The following ANKS1B variants were observed in gnomAD, a reference collection of about 807,000 sequenced individuals.
ANKS1B encodes ankyrin repeat and sterile alpha motif domain containing 1B.
In ANKS1B, 36 loss-of-function variants were observed where a neutral mutation model predicts 148.3. The observed-to-expected ratio is 0.24, with a 90% confidence interval of 0.19 to 0.32. ANKS1B has a LOEUF of 0.32. ANKS1B is among the 10% of genes least tolerant of loss of function. The pLI is 1.00. For missense variants in ANKS1B, 1,157 were observed against 1,542.6 expected, an observed-to-expected ratio of 0.75 and a Z score of 4.19; for synonymous variants, 542 against 560.8, an observed-to-expected ratio of 0.97 and a Z score of 0.47.
chr12:99,908,301 C>T (rs2093866750), intron 1 of ANKS1B, among the ~76,000 whole-genome samples: 2 of 151,954 alleles, frequency 1.3e-5, no homozygotes, highest in Admixed American at 6.6e-5. Flanking sequence ...ATTAAGAGGC[C>T]AGGCATGGTG....
At position 99,046,915 on chromosome 12, in the gene ANKS1B, T is replaced by G. The variant is rs191963539; in HGVS notation, c.2778+6242A>C. 3.0e-3 allele frequency among the ~76,000 whole-genome samples: 457 copies of G among 152,106 alleles called. 5 individuals carry two copies. The highest frequency in any genetic ancestry group is 9.7e-3 in the African/African-American group (402 of 41,476). The stretch of plus-strand genomic sequence containing the variant: ...ACACTGCATAGTAACAGTGACAGAT[T>G]AGCTATTCTAAGAAGAAAAGATGAG... On this transcript the variant is annotated intron_variant, in intron 17 of 26. Coordinates refer to ENST00000683438, the MANE Select transcript of ANKS1B (RefSeq NM_001352186.2).
chr12:99,841,014 C>A (rs76665035), intron 1 of ANKS1B, among the ~76,000 whole-genome samples: 1 of 152,070 alleles, frequency 6.6e-6, no homozygotes, highest in South Asian at 2.1e-4. Context: ...GATAAAAGCA[C>A]GGACTCAGGA....
intron 19 of ANKS1B, among the ~76,000 whole-genome samples, chr12:98,820,238 G>A (rs951180413): frequency 2.0e-5 from 3 of 152,222 alleles, no homozygotes; most frequent in Non-Finnish European, 4.4e-5. Flanking sequence ...TAGGCTGCTG[G>A]CATTGGAATC....
rs531153314 is a variant in ANKS1B at position 99,755,147 on chromosome 12, A to T, written c.1128+17775T>A. Among the ~76,000 whole-genome samples the T allele has an allele frequency of 3.5e-4, 51 of 145,524 alleles. 1 individual carries two copies. The highest frequency in any genetic ancestry group is 1.3e-3 in the African/African-American group (51 of 39,100). On this transcript the variant is annotated intron_variant, in intron 8 of 26. Coordinates refer to ENST00000683438, the MANE Select transcript of ANKS1B (RefSeq NM_001352186.2). ...AAAGAGGGAAGATTCAAATAAACAC[A>T]ATCAGAAATAACAATGGGGATATTA...
At chr12:99,493,957 G>GA in intron 10 of ANKS1B, among the ~76,000 whole-genome samples, 1 of 151,688 alleles carries the variant, frequency 6.6e-6, no homozygotes, top group East Asian at 1.9e-4. Context: ...TTTATAGAGA[G>GA]AAAAAAGTAA....
rs2099278740 is a variant in ANKS1B, at chr12:98,829,697, CGT to C, written c.2887-346_2887-345del. Among the ~76,000 whole-genome samples the C allele has an allele frequency of 1.3e-5, 2 of 152,124 alleles. No individual in the cohort carries two copies. Among genetic ancestry groups the C allele is most frequent in the Non-Finnish European group, 2.9e-5 (2 of 68,038 alleles). On this transcript the variant is annotated intron_variant, in intron 18 of 26. Transcript: ENST00000683438. This position sits in a 1 kb window ranked among gnomAD's most constrained non-coding sequence, Gnocchi z 5.2. The stretch of plus-strand genomic sequence containing the variant: ...GAACTGGGCCCTCATGTGGGCAGAG[CGT>C]CCTCACCATGGTAGATGCCATGATG...
At chr12:98,954,527 T>G (rs899479680) in intron 17 of ANKS1B, 18 of 152,208 alleles carry the variant, frequency 1.2e-4, no homozygotes, top group African/African-American at 4.3e-4. Context: ...ATAGGAGTGC[T>G]AAGGTAAATG....
chr12:99,960,541 A>T (rs2095395678), intron 1 of ANKS1B, among the ~76,000 whole-genome samples: 1 of 152,176 alleles, frequency 6.6e-6, no homozygotes, highest in Admixed American at 6.5e-5. Context: ...TGAACTATAA[A>T]GGAAGGAAAT....
intron 14 of ANKS1B, among the ~76,000 whole-genome samples, chr12:99,212,934 C>T (rs558984432): frequency 6.6e-6 from 1 of 152,278 alleles, no homozygotes; most frequent in South Asian, 2.1e-4. Flanking sequence ...AGGAAACAAA[C>T]AATGTTCAAA....
intron 9 of ANKS1B, among the ~76,000 whole-genome samples, chr12:99,507,031 T>C (rs888928632): frequency 3.3e-5 from 5 of 151,976 alleles, no homozygotes; most frequent in Admixed American, 2.0e-4. Context: ...TCAATAAATA[T>C]GTATTGATCA....
chr12:99,580,798 G>C lies in ANKS1B; in HGVS notation c.1272+74269C>G, dbSNP rs139764361. Among the ~76,000 whole-genome samples the C allele has an allele frequency of 3.9e-5, 6 of 152,240 alleles. No homozygotes were observed. The East Asian group carries it at 1.2e-3, about 29-fold the overall frequency. ...AATATTTGAGGTAATGAATATCCCA[G>C]TTAACTGGATTTGATAATTACCTGG... On this transcript the variant is annotated intron_variant, in intron 9 of 26. Transcript: ENST00000683438.
At chr12:99,825,130 A>G (rs927104358) in intron 2 of ANKS1B, among the ~76,000 whole-genome samples, 179 bp downstream of exon 2, 6 of 152,218 alleles carry the variant, frequency 3.9e-5, no homozygotes, top group African/African-American at 1.4e-4. Context: ...TCTGCACGCA[A>G]TTATACTCAG....
intron 17 of ANKS1B, among the ~76,000 whole-genome samples, chr12:98,922,509 A>AT (rs926063913): frequency 6.6e-6 from 1 of 152,044 alleles, no homozygotes; most frequent in African/African-American, 2.4e-5. Context: ...TTTTATTTTT[A>AT]TTTTTTTGAG....
intron 8 of ANKS1B, among the ~76,000 whole-genome samples, chr12:99,718,137 T>A (rs1298338620): frequency 6.6e-6 from 1 of 151,938 alleles, no homozygotes; most frequent in Non-Finnish European, 1.5e-5. Context: ...TCTGACCTCG[T>A]GATCCGCCCG....
chr12:99,834,703 A>G (rs981982078), intron 1 of ANKS1B, among the ~76,000 whole-genome samples: 10 of 152,156 alleles, frequency 6.6e-5, no homozygotes, highest in African/African-American at 2.4e-4. Context: ...CTACTCCACA[A>G]ATTGATCATT....
intron 8 of ANKS1B, among the ~76,000 whole-genome samples, chr12:99,738,504 C>A (rs1270973043): frequency 6.6e-6 from 1 of 151,998 alleles, no homozygotes; most frequent in Non-Finnish European, 1.5e-5. Context: ...CAGTTTCTGC[C>A]CCTGTAATTA....
intron 15 of ANKS1B, among the ~76,000 whole-genome samples, chr12:99,141,550 T>G (rs2153797562): frequency 6.6e-6 from 1 of 152,108 alleles, no homozygotes. Context: ...CAGCATACCT[T>G]AACTATTCTT....
At chr12:98,788,483 G>A (rs1203798182) in intron 22 of ANKS1B, among the ~76,000 whole-genome samples, 1 of 152,104 alleles carries the variant, frequency 6.6e-6, no homozygotes, top group African/African-American at 2.4e-5. Context: ...AAATGACCTT[G>A]CAAGGACTTT....
chr12:99,099,501 G>T (rs2057342080), intron 15 of ANKS1B, among the ~76,000 whole-genome samples: 1 of 152,306 alleles, frequency 6.6e-6, no homozygotes, highest in South Asian at 2.1e-4. Context: ...TGCTTGCATG[G>T]GGCTGCACTC....
Sources: allele counts gnomAD v4.1 joint callset (sites outside exome capture counted in the v4.1 genomes callset), GRCh38; gene constraint gnomAD v4.1.1; non-coding constraint Gnocchi (gnomAD v3.1); transcripts MANE v1.5; gene names NCBI Gene and HGNC (gene_info 2026-07-23, HGNC 2026-07-21).